SLC25A48: variants seen among roughly 807,000 people sequenced by gnomAD.
The protein encoded by SLC25A48 is CTC-321K16.1.
SLC25A48 carries 29 observed loss-of-function variants against 32.2 expected under a neutral mutation model. That is an observed-to-expected ratio of 0.90 (90% CI 0.67 to 1.23). The LOEUF is 1.23. Among genes scored for constraint, SLC25A48 ranks in the 50% most tolerant of loss-of-function variants. The pLI is 0.00. For missense variants in SLC25A48, 399 were observed against 422.7 expected, an observed-to-expected ratio of 0.94 and a Z score of 0.49; for synonymous variants, 164 against 172.3, an observed-to-expected ratio of 0.95 and a Z score of 0.38.
chr5:135,714,558 AG>A (rs1394619406), intron 3 of SLC25A48: 2 of 152,266 alleles, frequency 1.3e-5, no homozygotes, highest in African/African-American at 4.8e-5. Flanking sequence ...TATGGGGTCC[AG>A]GGTGTATTAC....
At chr5:135,814,187 C>A (rs1757659431) in intron 4 of SLC25A48, among the ~76,000 whole-genome samples, 2 of 152,174 alleles carry the variant, frequency 1.3e-5, no homozygotes, top group Non-Finnish European at 2.9e-5. Context: ...CCATGGATGT[C>A]CCTGACTGGG....
chr5:135,694,784 G>A (rs753695617), intron 3 of SLC25A48, among the ~76,000 whole-genome samples: 1 of 151,868 alleles, frequency 6.6e-6, no homozygotes, highest in Non-Finnish European at 1.5e-5. Flanking sequence ...ATGAGGTTTC[G>A]CCATATTGAC....
At chr5:135,720,161 T>A (rs1451189664) in intron 3 of SLC25A48, among the ~76,000 whole-genome samples, 2 of 152,152 alleles carry the variant, frequency 1.3e-5, no homozygotes, top group Non-Finnish European at 2.9e-5. Context: ...GACTATGGGG[T>A]GGGATTTCCC....
rs139458468 is a variant in SLC25A48, at chr5:135,646,713, C to T, written c.-521+11757C>T. 3.8e-3 allele frequency among the ~76,000 whole-genome samples: 499 copies of T among 131,886 alleles called. 6 individuals carry two copies. The highest frequency in any genetic ancestry group is 0.013 in the African/African-American group (472 of 35,600). 86.5% of individuals were successfully genotyped at this position (131,886 alleles called of 152,430 possible). On this transcript the variant is annotated intron_variant, in intron 3 of 10. Transcript: ENST00000646290. ...AGGACATAATGCTAAGTGAAATATGCCAGGCACAGAAAGACAAACACTACA... is the reference window on the plus strand; with the variant it reads ...AGGACATAATGCTAAGTGAAATATGTCAGGCACAGAAAGACAAACACTACA...
chr5:135,876,119 TTTTTTCTTCTTC>T (rs1762013043), intron 6 of SLC25A48: 2 of 123,642 alleles, frequency 1.6e-5, no homozygotes, highest in African/African-American at 6.8e-5. Context: ...TTTGTATCTT[TTTTTTCTTCTTC>T]TTTTTTTTTT....
At chr5:135,805,799 A>G (rs754935220) in intron 3 of SLC25A48, among the ~76,000 whole-genome samples, 2 of 151,454 alleles carry the variant, frequency 1.3e-5, no homozygotes, top group Non-Finnish European at 3.0e-5. Flanking sequence ...CTGTGTGTAC[A>G]TGCTGTGTTA....
chr5:135,741,227 T>A (rs1755495632), intron 3 of SLC25A48, among the ~76,000 whole-genome samples: 1 of 152,106 alleles, frequency 6.6e-6, no homozygotes, highest in African/African-American at 2.4e-5. Context: ...AAAGTATGTG[T>A]TCTTAGCTAC....
upstream of SLC25A48, among the ~76,000 whole-genome samples, chr5:135,833,759 T>A (rs1483500554): frequency 2.0e-5 from 3 of 152,094 alleles, no homozygotes; most frequent in East Asian, 5.8e-4. Context: ...CACCTCCAAG[T>A]CCCCACTCCT....
At chr5:135,867,809 T>G (rs1761320089) in intron 4 of SLC25A48, among the ~76,000 whole-genome samples, 1 of 152,352 alleles carries the variant, frequency 6.6e-6, no homozygotes, top group African/African-American at 2.4e-5. Context: ...GATGACATTC[T>G]GCTCTGTGGA....
At chr5:135,879,611 A>AGAGT (rs1554087211) in intron 6 of SLC25A48, among the ~76,000 whole-genome samples, 58 of 119,500 alleles carry the variant, frequency 4.9e-4, no homozygotes, top group Admixed American at 1.1e-3. Context: ...AGAGAGAGAG[A>AGAGT]GTGTGTGTGT....
At chr5:135,736,704 A>ATT (rs1755369295) in intron 3 of SLC25A48, among the ~76,000 whole-genome samples, 1 of 152,180 alleles carries the variant, frequency 6.6e-6, no homozygotes, top group Non-Finnish European at 1.5e-5. Context: ...ATGGGTGAAT[A>ATT]ATAAAGCAGG....
At chr5:135,706,920 C>A (rs1309087343) in intron 3 of SLC25A48, among the ~76,000 whole-genome samples, 1 of 152,178 alleles carries the variant, frequency 6.6e-6, no homozygotes, top group Non-Finnish European at 1.5e-5. Flanking sequence ...GAATTCATGA[C>A]GGAGTCTAAG....
At chr5:135,669,430 G>C (rs1753602379) in intron 3 of SLC25A48, among the ~76,000 whole-genome samples, 1 of 152,088 alleles carries the variant, frequency 6.6e-6, no homozygotes, top group African/African-American at 2.4e-5. Flanking sequence ...TGGGGGGAGG[G>C]ATGTGAAACA....
chr5:135,726,516 A>ATGAAAC (rs1187832682), intron 3 of SLC25A48, among the ~76,000 whole-genome samples: 1 of 152,006 alleles, frequency 6.6e-6, no homozygotes, highest in African/African-American at 2.4e-5. Flanking sequence ...ACTGTTCTCC[A>ATGAAAC]TGTCTGTAAT....
chr5:135,772,019 T>C (rs1207021434), intron 3 of SLC25A48, among the ~76,000 whole-genome samples: 1 of 151,490 alleles, frequency 6.6e-6, no homozygotes, highest in Non-Finnish European at 1.5e-5. Context: ...CCTATGATAT[T>C]GTTCATAATA....
chr5:135,622,187 C>T (rs192288052), intron 1 of SLC25A48, among the ~76,000 whole-genome samples: 158 of 152,264 alleles, frequency 1.0e-3, no homozygotes, highest in Non-Finnish European at 1.5e-3. Context: ...TCCAGTGATA[C>T]TGAGGACAGA....
In SLC25A48 at chr5:135,751,995, C is replaced by T. The variant is rs183932780; in HGVS notation, c.-520-60528C>T. Among the ~76,000 whole-genome samples the T allele has an allele frequency of 6.0e-4, 91 of 152,268 alleles. 1 individual carries two copies. The highest frequency in any genetic ancestry group is 2.1e-3 in the African/African-American group (89 of 41,560). On this transcript the variant is annotated intron_variant, in intron 3 of 10. Coordinates refer to the SLC25A48 transcript ENST00000646290. ...AAAAATGAACTTCAACTATATTTCA[C>T]ACCACATACAAAATTTACCTACAAA...
chr5:135,753,280 C>T (rs760590637), intron 3 of SLC25A48, among the ~76,000 whole-genome samples: 20 of 151,886 alleles, frequency 1.3e-4, no homozygotes, highest in Non-Finnish European at 2.5e-4. Context: ...TGTACACCCA[C>T]GGTGATTCTA....
intron 3 of SLC25A48, among the ~76,000 whole-genome samples, chr5:135,672,987 T>A (rs1410150228): frequency 6.6e-6 from 1 of 152,232 alleles, no homozygotes; most frequent in Non-Finnish European, 1.5e-5. Flanking sequence ...ATACAGTATA[T>A]ATATTTATTT....
Sources: allele counts gnomAD v4.1 joint callset (sites outside exome capture counted in the v4.1 genomes callset), GRCh38; gene constraint gnomAD v4.1.1; transcripts MANE v1.5; gene names NCBI Gene and HGNC (gene_info 2026-07-23, HGNC 2026-07-21).